The following EVI5 variants were observed in gnomAD, a reference collection of about 807,000 sequenced individuals.
EVI5 encodes ecotropic viral integration site 5 protein homolog.
EVI5 carries 73 observed loss-of-function variants against 112.0 expected under a neutral mutation model. The ratio of observed to expected loss-of-function variants is 0.65; its 90% CI spans 0.54 to 0.79. The LOEUF (loss-of-function observed/expected upper bound fraction) is 0.79, where lower values mean the gene tolerates loss of function less well. Among genes scored for constraint, EVI5 ranks in the 30% least tolerant of loss-of-function variants. EVI5 has a pLI of 0.00. For synonymous variants in EVI5, 305 were observed against 319.9 expected (o/e 0.95, Z 0.50); for missense variants, 900 against 968.8 (o/e 0.93, Z 0.94).
At chr1:92,605,475 G>T in intron 17 of EVI5, 73 bp from the exon 18 acceptor site, 1 of 1,007,180 alleles carries the variant, frequency 9.9e-7, no homozygotes, top group Non-Finnish European at 1.6e-6. Flanking sequence ...AAAGTAATAG[G>T]TTGCATAAAC....
At chr1:92,717,806 C>T (rs372501286) in intron 2 of EVI5, among the ~76,000 whole-genome samples, 1 of 151,812 alleles carries the variant, frequency 6.6e-6, no homozygotes, top group Non-Finnish European at 1.5e-5. Flanking sequence ...ATCCATCTCA[C>T]GTGCAAAGAC....
rs1344796881 is a variant in EVI5, at chr1:92,519,505, C to G, written c.2167-5535G>C. ...GGCAATCCTTTGGGCAAATGTATACCAGCAAAACACTCACATTAAAACACT... is the reference window on the plus strand; with the variant it reads ...GGCAATCCTTTGGGCAAATGTATACGAGCAAAACACTCACATTAAAACACT... On this transcript the variant is annotated intron_variant, in intron 19 of 19. Transcript: ENST00000684568. Among the ~76,000 whole-genome samples the G allele has an allele frequency of 3.9e-5, 6 of 152,216 alleles. 1 individual carries two copies. In the South Asian group the frequency reaches 1.0e-3, roughly 26 times the overall value.
chr1:92,713,372 C>A (rs983842683), intron 2 of EVI5, among the ~76,000 whole-genome samples: 2 of 150,944 alleles, frequency 1.3e-5, no homozygotes, highest in East Asian at 1.9e-4. Flanking sequence ...CCATACTAGA[C>A]CATACTAGAT....
chr1:92,693,339 TCACAC>T (rs530599456), intron 9 of EVI5, among the ~76,000 whole-genome samples: 145 of 152,236 alleles, frequency 9.5e-4, no homozygotes, highest in African/African-American at 3.3e-3. Flanking sequence ...GCAGCCATAA[TCACAC>T]CACTGTACTC....
At chr1:92,788,895 G>A (rs1373804780), upstream of EVI5, among the ~76,000 whole-genome samples, 1 of 152,108 alleles carries the variant, frequency 6.6e-6, no homozygotes, top group Non-Finnish European at 1.5e-5. Context: ...ATGGGTATTG[G>A]CTAAGGCTGT....
intron 18 of EVI5, among the ~76,000 whole-genome samples, chr1:92,581,062 T>A (rs1198311449): frequency 6.6e-6 from 1 of 152,232 alleles, no homozygotes; most frequent in Admixed American, 6.5e-5. Context: ...TGTTGTGCTA[T>A]TTCTTTTCAC....
chr1:92,594,436 C>A (rs1450083619), intron 18 of EVI5, among the ~76,000 whole-genome samples: 10 of 150,480 alleles, frequency 6.6e-5, no homozygotes, highest in East Asian at 3.9e-4. Flanking sequence ...TAAAGACTTA[C>A]ATGTTAGACC....
intron 18 of EVI5, chr1:92,580,616 A>G: frequency 5.7e-6 from 1 of 176,936 alleles, no homozygotes; most frequent in Admixed American, 7.6e-5. Context: ...GTGCCAAAAC[A>G]TGCTTTTTCA....
chr1:92,618,548 T>C (rs1443279309), intron 16 of EVI5, among the ~76,000 whole-genome samples: 1 of 152,122 alleles, frequency 6.6e-6, no homozygotes, highest in Non-Finnish European at 1.5e-5. Flanking sequence ...GGCATCTTAG[T>C]ATTACCATGC....
intron 13 of EVI5, among the ~76,000 whole-genome samples, chr1:92,651,829 C>A (rs1348150650): frequency 7.7e-6 from 1 of 130,052 alleles, no homozygotes; most frequent in Non-Finnish European, 1.6e-5. Flanking sequence ...CCAGCCTGGG[C>A]GACAGAGCGA....
intron 16 of EVI5, among the ~76,000 whole-genome samples, chr1:92,610,780 G>A (rs1651579834): frequency 6.6e-6 from 1 of 151,878 alleles, no homozygotes; most frequent in South Asian, 2.1e-4. Context: ...ATGGGTTGCA[G>A]GATAAAATAG....
chr1:92,707,309 G>A (rs1007413857), intron 2 of EVI5, among the ~76,000 whole-genome samples: 7 of 150,772 alleles, frequency 4.6e-5, no homozygotes, highest in South Asian at 2.1e-4. Context: ...GGACTTCACC[G>A]AAATTAAAGA....
intron 19 of EVI5, among the ~76,000 whole-genome samples, chr1:92,537,887 T>A (rs1487357822): frequency 6.6e-6 from 1 of 151,864 alleles, no homozygotes; most frequent in Admixed American, 6.6e-5. Flanking sequence ...TCATAAAAAA[T>A]ATAAAATTTA....
rs573090545 is a variant in EVI5 at position 92,607,815 on chromosome 1, T to G, written c.1828-88A>C. ...ACCTATCCATTTTATACCATAACAT[T>G]ATTAAAAATGTTACTAGTTATAGGT... On this transcript the variant is annotated intron_variant, in intron 16 of 19. Coordinates refer to ENST00000684568, the MANE Select transcript of EVI5 (RefSeq NM_001350197.2). 1.1e-4 allele frequency: 87 copies of G among 813,186 alleles called. 1 individual carries two copies. In the South Asian group the frequency reaches 1.5e-3, roughly 14 times the overall value. The allele number at this position is 813,186 out of a possible 1,614,324, so 50.4% of individuals were successfully genotyped here. A position where few individuals can be genotyped will look rare whatever the true frequency, so the allele number is the denominator to read the frequency against.
intron 2 of EVI5, among the ~76,000 whole-genome samples, chr1:92,709,382 A>G (rs981504124): frequency 6.6e-6 from 1 of 152,184 alleles, no homozygotes; most frequent in African/African-American, 2.4e-5. Flanking sequence ...AAAAAATATT[A>G]TCTACTTAAT....
intron 10 of EVI5, among the ~76,000 whole-genome samples, chr1:92,675,675 G>A (rs187594000): frequency 4.5e-4 from 68 of 152,080 alleles, no homozygotes; most frequent in African/African-American, 1.6e-3. Flanking sequence ...AAGCAAATAG[G>A]GCTGGACGCG....
At chr1:92,566,592 T>C (rs1669524238) in intron 18 of EVI5, among the ~76,000 whole-genome samples, 1 of 152,164 alleles carries the variant, frequency 6.6e-6, no homozygotes. Flanking sequence ...TAGTGTATTC[T>C]TTTTATTTAT....
At chr1:92,694,489 C>G (rs1669997469) in intron 7 of EVI5, 101 bp from the exon 8 acceptor site, 1 of 671,760 alleles carries the variant, frequency 1.5e-6, no homozygotes, top group Non-Finnish European at 2.6e-6. Flanking sequence ...GGGATCTAAA[C>G]TAGGGGCTGG....
upstream of EVI5, among the ~76,000 whole-genome samples, chr1:92,786,891 A>C (rs930757162): frequency 6.6e-6 from 1 of 151,872 alleles, no homozygotes; most frequent in East Asian, 1.9e-4. Context: ...TTTATTCCCT[A>C]TTTACCGGCT....
Sources: gnomAD v4.1 joint callset for allele counts (sites outside exome capture counted in the v4.1 genomes callset) on GRCh38, gnomAD v4.1.1 for gene constraint, MANE v1.5 for transcripts, NCBI Gene and HGNC (gene_info 2026-07-23, HGNC 2026-07-21) for gene names.